Variants in WFDC1 observed in about 807,000 individuals in gnomAD.
WFDC1 encodes the protein WAP four-disulfide core domain 1.
Under a neutral mutation model 32.9 loss-of-function variants are expected in WFDC1, and 39 were observed. That is an observed-to-expected ratio of 1.19 (90% CI 0.92 to 1.55). WFDC1 has a LOEUF of 1.55. Among genes scored for constraint, WFDC1 ranks in the 40% most tolerant of loss-of-function variants. WFDC1 has a pLI of 0.00. For missense variants in WFDC1, 386 were observed against 309.5 expected, an observed-to-expected ratio of 1.25 and a Z score of -1.85; for synonymous variants, 184 against 137.4, an observed-to-expected ratio of 1.34 and a Z score of -2.37.
At chr16:84,320,755 G>A (rs1347530603) in intron 4 of WFDC1, among the ~76,000 whole-genome samples, 1 of 152,140 alleles carries the variant, frequency 6.6e-6, no homozygotes, top group African/African-American at 2.4e-5. Flanking sequence ...CCCCGCTTCG[G>A]CATCTCATAG....
chr16:84,314,189 A>G (rs1350550434), intron 2 of WFDC1, among the ~76,000 whole-genome samples: 3 of 152,238 alleles, frequency 2.0e-5, no homozygotes, highest in South Asian at 2.1e-4. Context: ...GGGAGAAACA[A>G]TGTTCAGGGA....
chr16:84,319,562 C>G lies in WFDC1; in HGVS notation c.553C>G (p.Arg185Gly), dbSNP rs759428675. 6 of 1,612,418 alleles carry G rather than the reference C, an allele frequency of 3.7e-6. No individual in the cohort carries two copies. The highest frequency in any genetic ancestry group is 4.2e-6 in the Non-Finnish European group (5 of 1,179,900). Residue 185 changes from arginine to glycine, a missense_variant, in exon 4 of 7, where the codon CGG (arginine) becomes GGG (glycine). Coordinates refer to ENST00000219454, the MANE Select transcript of WFDC1 (RefSeq NM_021197.4). The stretch of plus-strand genomic sequence containing the variant: ...CCGTGGGCAGTGCGTCAAGCAGCGC[C>G]GGCAAGCAGGTGAGTGTGGCACCCC... ...PNRGQCVKQR[R>G]QADGRILRHK...
intron 6 of WFDC1, 105 bp downstream of exon 6, chr16:84,327,060 T>G (rs1908648616): frequency 9.4e-7 from 1 of 1,068,280 alleles, no homozygotes; most frequent in East Asian, 2.4e-5. Flanking sequence ...AGAGTAGCGC[T>G]TTCCCTACTG....
intron 1 of WFDC1, among the ~76,000 whole-genome samples, chr16:84,302,933 G>C (rs1436016417): frequency 2.0e-5 from 3 of 152,022 alleles, no homozygotes; most frequent in Admixed American, 2.0e-4. Flanking sequence ...GGGATGGAAA[G>C]TTCTAGAGGA....
intron 6 of WFDC1, chr16:84,327,720 C>G (rs1164485524): frequency 1.3e-5 from 2 of 152,234 alleles, no homozygotes; most frequent in Admixed American, 6.5e-5. Flanking sequence ...TAGGTCGCAA[C>G]TTTCCTTTTC....
At chr16:84,321,365 G>T (rs932786198) in intron 4 of WFDC1, among the ~76,000 whole-genome samples, 7 of 152,168 alleles carry the variant, frequency 4.6e-5, no homozygotes, top group African/African-American at 1.7e-4. Flanking sequence ...GGGGTGTATG[G>T]TCCTTTGGAG....
intron 1 of WFDC1, among the ~76,000 whole-genome samples, chr16:84,310,437 A>T (rs540265468): frequency 2.0e-5 from 3 of 152,296 alleles, no homozygotes; most frequent in Admixed American, 1.3e-4. Flanking sequence ...GTCTAGATTA[A>T]GCCAGGACTT....
rs770748463 is a variant in WFDC1, at chr16:84,318,281, G to C, written c.347G>C (p.Trp116Ser). The stretch of plus-strand genomic sequence containing the variant: ...CCCCGTATTGTGTTAGTCTTAGACT[G>C]GCTGGTGCAGCCGAAACCTCGATGG... ...EAVPPPPVLD[W>S]LVQPKPRWLG... is the part of the protein sequence containing the mutation. The change falls in exon 3 of 7, where the codon TGG becomes TCG. Residue 116 changes from tryptophan (W) to serine (S), a missense_variant. Physicochemically the swap from Trp to Ser is radical, Grantham distance 177. Transcript: ENST00000219454. 1.2e-6 allele frequency: 2 copies of C among 1,614,160 alleles called. No homozygotes were observed. The highest frequency in any genetic ancestry group is 1.7e-6 in the Non-Finnish European group (2 of 1,179,994).
chr16:84,327,105 C>A, intron 6 of WFDC1, 150 bp downstream of exon 6: 1 of 696,774 alleles, frequency 1.4e-6, no homozygotes, highest in Non-Finnish European at 2.5e-6. Context: ...AGTAAGTCCT[C>A]ACCTAACGTC....
intron 1 of WFDC1, among the ~76,000 whole-genome samples, chr16:84,298,937 C>T (rs1906768843): frequency 1.3e-5 from 2 of 152,228 alleles, no homozygotes; most frequent in Admixed American, 6.5e-5. Flanking sequence ...GTTTCCTCAT[C>T]TGCAGCACGG....
intron 1 of WFDC1, among the ~76,000 whole-genome samples, chr16:84,308,078 C>T (rs778400342): frequency 9.2e-5 from 14 of 152,192 alleles, no homozygotes; most frequent in Non-Finnish European, 1.6e-4. Context: ...CCAATGTTTA[C>T]AAGAGTAAAA....
chr16:84,323,219 G>A (rs1348838369), intron 4 of WFDC1, among the ~76,000 whole-genome samples: 2 of 152,218 alleles, frequency 1.3e-5, no homozygotes, highest in Admixed American at 6.5e-5. Context: ...CACCTTGACC[G>A]ATAAATGTCC....
chr16:84,306,002 CAAAATAATAATAAT>C (rs1907227646), intron 1 of WFDC1, among the ~76,000 whole-genome samples: 1 of 109,344 alleles, frequency 9.1e-6, no homozygotes, highest in Non-Finnish European at 2.0e-5. Context: ...GACCTTTTCT[CAAAATAATAATAAT>C]AATAATAATA....
chr16:84,299,778 G>A (rs529074898), intron 1 of WFDC1, among the ~76,000 whole-genome samples: 1 of 152,230 alleles, frequency 6.6e-6, no homozygotes, highest in African/African-American at 2.4e-5. Flanking sequence ...TGGAAATGGT[G>A]GTTCAGTTTG....
chr16:84,303,831 C>G (rs1907088820), intron 1 of WFDC1, among the ~76,000 whole-genome samples: 1 of 152,220 alleles, frequency 6.6e-6, no homozygotes, highest in Admixed American at 6.5e-5. Flanking sequence ...TCCTCCTTCC[C>G]TCTTCCCGCA....
intron 1 of WFDC1, among the ~76,000 whole-genome samples, chr16:84,306,689 T>A (rs1300178475): frequency 6.6e-6 from 1 of 152,168 alleles, no homozygotes; most frequent in Non-Finnish European, 1.5e-5. Flanking sequence ...CATGTGCAGA[T>A]CAGCGAGTTA....
chr16:84,319,243 C>G, intron 3 of WFDC1, 188 bp from the exon 4 acceptor site: 1 of 653,350 alleles, frequency 1.5e-6, no homozygotes, highest in Non-Finnish European at 2.6e-6. Flanking sequence ...TGTGGGTGTG[C>G]ACGTGTGCCA....
intron 1 of WFDC1, among the ~76,000 whole-genome samples, chr16:84,299,260 A>G (rs958953055): frequency 6.6e-6 from 1 of 152,102 alleles, no homozygotes; most frequent in Non-Finnish European, 1.5e-5. Context: ...GCTACTCGGG[A>G]GGCTGAGGTA....
chr16:84,325,093 C>T, intron 5 of WFDC1, among the ~76,000 whole-genome samples: 1 of 151,802 alleles, frequency 6.6e-6, no homozygotes, highest in East Asian at 1.9e-4. Flanking sequence ...TCCTTCATCC[C>T]TCCATCCATC....
Sources: gnomAD v4.1 joint callset for allele counts (sites outside exome capture counted in the v4.1 genomes callset) on GRCh38, gnomAD v4.1.1 for gene constraint, MANE v1.5 for transcripts, NCBI Gene and HGNC (gene_info 2026-07-23, HGNC 2026-07-21) for gene names.